The following DNMT3B variants were observed in gnomAD, a reference collection of about 807,000 sequenced individuals.
DNMT3B encodes DNA (cytosine-5)-methyltransferase 3B.
In DNMT3B, 37 loss-of-function variants were observed where a neutral mutation model predicts 120.2. The ratio of observed to expected loss-of-function variants is 0.31; its 90% CI spans 0.24 to 0.40. DNMT3B has a LOEUF of 0.40. Ranked by LOEUF, DNMT3B falls within the 10% of genes least tolerant of loss-of-function variation. The pLI is 1.00. For synonymous variants in DNMT3B, 412 were observed against 442.8 expected (o/e 0.93, Z 0.87); for missense variants, 878 against 1,137.3 (o/e 0.77, Z 3.28).
chr20:32,795,583 GCA>G, intron 11 of DNMT3B, 49 bp downstream of exon 11: 2 of 1,614,108 alleles, frequency 1.2e-6, no homozygotes, highest in Non-Finnish European at 1.7e-6. Context: ...GGAGGACGCT[GCA>G]GATCAGGAAT....
chr20:32,782,713 A>G (rs2145919954), intron 3 of DNMT3B, among the ~76,000 whole-genome samples: 1 of 140,002 alleles, frequency 7.1e-6, no homozygotes, highest in African/African-American at 2.7e-5. Flanking sequence ...AAACTTTATC[A>G]TAGGTATGTA....
intron 7 of DNMT3B, among the ~76,000 whole-genome samples, chr20:32,790,531 T>TG (rs904643401): frequency 8.0e-6 from 1 of 124,386 alleles, no homozygotes; most frequent in Non-Finnish European, 1.7e-5. Flanking sequence ...TGGAGCGGTT[T>TG]CCCCCCACCA....
chr20:32,763,537 G>A (rs1987106260), intron 1 of DNMT3B, among the ~76,000 whole-genome samples: 1 of 152,224 alleles, frequency 6.6e-6, no homozygotes, highest in South Asian at 2.1e-4. Context: ...CGCACACTAA[G>A]GCCTCAAAAC....
intron 14 of DNMT3B, among the ~76,000 whole-genome samples, chr20:32,798,230 C>T (rs1382873859): frequency 1.3e-5 from 2 of 152,150 alleles, no homozygotes; most frequent in East Asian, 1.9e-4. Flanking sequence ...AGTAGGTTGT[C>T]GGGAGAGCAT....
chr20:32,764,904 C>T (rs902576750), intron 1 of DNMT3B, among the ~76,000 whole-genome samples: 11 of 152,304 alleles, frequency 7.2e-5, no homozygotes, highest in Middle Eastern at 3.4e-3. Flanking sequence ...CTTCCTCCAG[C>T]CACGTGGGGC....
intron 16 of DNMT3B, among the ~76,000 whole-genome samples, chr20:32,799,777 C>G (rs1450382311): frequency 6.6e-6 from 1 of 152,226 alleles, no homozygotes; most frequent in Non-Finnish European, 1.5e-5. Context: ...CTTGGCATCC[C>G]AAACCGCTGG....
At position 32,800,245 on chromosome 20, in the gene DNMT3B, C is replaced by G; in HGVS notation, c.1852C>G (p.His618Asp). 6.2e-7 allele frequency: 1 copy of G among 1,614,174 alleles called. No homozygotes were observed. The highest frequency in any genetic ancestry group is 1.1e-5 in the South Asian group (1 of 91,082). The change falls in exon 17 of 23, where the codon CAC becomes GAC. Residue 618 changes from histidine to aspartate, a missense_variant. Physicochemically the swap from His to Asp is moderately conservative, Grantham distance 81. This residue lies in a region of DNMT3B where 334 missense variants were observed against 518.8 expected (regional missense o/e 0.64). Transcript: ENST00000328111. Reference sequence around the variant, plus strand: ...GTCCATTGCTGTTGGAACCGTGAAGCACGAGGGGAATATCAAATACGTGAA... The same window carrying G: ...GTCCATTGCTGTTGGAACCGTGAAGGACGAGGGGAATATCAAATACGTGAA... ...EESIAVGTVK[H>D]EGNIKYVNDV...
rs752142241 is a variant in DNMT3B, at chr20:32,795,671, CCAA to C, written c.1281_1283del (p.Asn427del). On this transcript the variant is annotated inframe_deletion, in exon 12 of 23. Coordinates refer to ENST00000328111, the MANE Select transcript of DNMT3B (RefSeq NM_006892.4). ...ATAGAACAAATGGCTTCAGATGTTG[CCAA>C]CAACAAGAGCAGCCTGGAAGGTAAC... The C allele has an allele frequency of 3.1e-6, 5 of 1,614,146 alleles. No individual in the cohort carries two copies. The highest frequency in any genetic ancestry group is 3.4e-6 in the Non-Finnish European group (4 of 1,180,030).
chr20:32,797,031 C>A, intron 13 of DNMT3B, 156 bp from the exon 14 acceptor site: 1 of 1,608,462 alleles, frequency 6.2e-7, no homozygotes, highest in Non-Finnish European at 8.5e-7. Context: ...TCACAGAGGC[C>A]AATGGCACGC....
chr20:32,765,744 T>C (rs1275116399), intron 1 of DNMT3B, among the ~76,000 whole-genome samples: 10 of 126,554 alleles, frequency 7.9e-5, no homozygotes, highest in African/African-American at 3.7e-4. Context: ...TATTTATTTA[T>C]TTTTTCTTTT....
At chr20:32,780,489 G>A (rs369669631) in intron 2 of DNMT3B, 24 bp downstream of exon 2, 4 of 1,609,000 alleles carry the variant, frequency 2.5e-6, no homozygotes, top group Non-Finnish European at 2.5e-6. Context: ...GGGGACTGGG[G>A]TGGTGTCAGG....
intron 17 of DNMT3B, 131 bp downstream of exon 17, chr20:32,800,429 T>A (rs1352369742): frequency 7.3e-7 from 1 of 1,374,968 alleles, no homozygotes; most frequent in African/African-American, 1.4e-5. Context: ...TGTGGGAATC[T>A]TAAGCATTAG....
At chr20:32,805,727 T>C (rs867038897) in intron 21 of DNMT3B, among the ~76,000 whole-genome samples, 2 of 152,328 alleles carry the variant, frequency 1.3e-5, no homozygotes, top group Middle Eastern at 3.4e-3. Context: ...TAATTTGCTG[T>C]CAAGTCATAG....
intron 1 of DNMT3B, among the ~76,000 whole-genome samples, chr20:32,769,118 T>C (rs1987562335): frequency 6.6e-6 from 1 of 152,180 alleles, no homozygotes; most frequent in Admixed American, 6.5e-5. Context: ...GGAGTCTTGC[T>C]CTGTCGCCCA....
At chr20:32,805,316 A>G (rs778621891) in intron 20 of DNMT3B, 22 bp from the exon 21 acceptor site, 2 of 1,614,164 alleles carry the variant, frequency 1.2e-6, no homozygotes, top group South Asian at 2.2e-5. Context: ...AGTAAGAAGT[A>G]ATGGGTTTTG....
In DNMT3B at chr20:32,808,269, T is replaced by G. The variant is rs913199669; in HGVS notation, c.*366T>G. Reference sequence around the variant, plus strand: ...ACCAAAACCACAGTGCCGACAGCTCTCCAATACTCAGGTTAATGCTGAAAA... The same window carrying G: ...ACCAAAACCACAGTGCCGACAGCTCGCCAATACTCAGGTTAATGCTGAAAA... On this transcript the variant is annotated 3_prime_UTR_variant, in exon 23 of 23. Transcript: ENST00000328111. 1 of 383,958 alleles carries G rather than the reference T, an allele frequency of 2.6e-6. No individual in the cohort carries two copies. Among genetic ancestry groups the G allele is most frequent in the Non-Finnish European group, 4.9e-6 (1 of 205,800 alleles). The allele number at this position is 383,958 out of a possible 1,614,324, so 23.8% of individuals were successfully genotyped here. A position where few individuals can be genotyped will look rare whatever the true frequency, so the allele number is the denominator to read the frequency against.
At chr20:32,784,909 A>G (rs547800706) in intron 4 of DNMT3B, 50 bp downstream of exon 4, 7 of 1,550,398 alleles carry the variant, frequency 4.5e-6, no homozygotes, top group South Asian at 1.1e-5. Context: ...CACTCTACAT[A>G]GCATACATAG....
In DNMT3B at chr20:32,762,620, G is replaced by C. The variant is rs1987032846; in HGVS notation, c.-86G>C. ...GATTCGCGAGCCCAGCGCCCTGCAC[G>C]GCCGCCAGCCGGCCTCCCGCCAGCC... On this transcript the variant is annotated 5_prime_UTR_variant, in exon 1 of 23. Transcript: ENST00000328111. 2 of 281,888 alleles carry C rather than the reference G, an allele frequency of 7.1e-6. No individual in the cohort carries two copies. The highest frequency in any genetic ancestry group is 2.3e-5 in the African/African-American group (1 of 43,976). 17.5% of individuals were successfully genotyped at this position (281,888 alleles called of 1,614,324 possible).
At chr20:32,789,677 T>C (rs1228083059) in intron 7 of DNMT3B, among the ~76,000 whole-genome samples, 2 of 152,152 alleles carry the variant, frequency 1.3e-5, no homozygotes, top group Admixed American at 6.5e-5. Context: ...CACTGCAACC[T>C]CCGCCTCCCA....
Sources: allele counts gnomAD v4.1 joint callset (sites outside exome capture counted in the v4.1 genomes callset), GRCh38; gene constraint gnomAD v4.1.1; regional missense constraint gnomAD v4.1.1; transcripts MANE v1.5; gene names NCBI Gene and HGNC (gene_info 2026-07-23, HGNC 2026-07-21).